NWD2: variants seen among roughly 807,000 people sequenced by gnomAD.
The protein encoded by NWD2 is NACHT and WD repeat domain-containing protein 2.
NWD2 carries 37 observed loss-of-function variants against 132.7 expected under a neutral mutation model. That is an observed-to-expected ratio of 0.28 (90% CI 0.21 to 0.37). The LOEUF (loss-of-function observed/expected upper bound fraction) is 0.37. Among genes scored for constraint, NWD2 ranks in the 10% least tolerant of loss-of-function variants. NWD2 has a pLI of 1.00. For missense variants in NWD2, 1,592 were observed against 2,122.4 expected (o/e 0.75, Z 4.91); for synonymous variants, 705 against 803.0 (o/e 0.88, Z 2.06).
chr4:37,340,182 CATTT>C (rs1192081081), intron 2 of NWD2, among the ~76,000 whole-genome samples: 2 of 152,188 alleles, frequency 1.3e-5, no homozygotes, highest in Non-Finnish European at 2.9e-5. Context: ...TAAGTCTCCA[CATTT>C]ATGATACTGT....
At chr4:37,270,220 T>C (rs1407406398) in intron 1 of NWD2, among the ~76,000 whole-genome samples, 3 of 151,796 alleles carry the variant, frequency 2.0e-5, no homozygotes, top group Non-Finnish European at 4.4e-5. Flanking sequence ...AGGTTAACCA[T>C]GCTCATATCA....
At chr4:37,374,868 A>G (rs1036931063) in intron 3 of NWD2, among the ~76,000 whole-genome samples, 3 of 152,192 alleles carry the variant, frequency 2.0e-5, no homozygotes, top group Non-Finnish European at 4.4e-5. Context: ...ATGAGAAAAT[A>G]CTCTGTAAAA....
intron 3 of NWD2, among the ~76,000 whole-genome samples, chr4:37,373,704 T>TTTGTTC (rs1410123064): frequency 6.6e-6 from 1 of 152,200 alleles, no homozygotes; most frequent in African/African-American, 2.4e-5. Context: ...AGGACATCAA[T>TTTGTTC]TTGTTCTCCA....
intron 1 of NWD2, among the ~76,000 whole-genome samples, chr4:37,313,571 A>G (rs1002795170): frequency 6.0e-5 from 9 of 151,036 alleles, no homozygotes; most frequent in Non-Finnish European, 1.3e-4. Flanking sequence ...GATCCTTTCA[A>G]AAAACCAGCT....
chr4:37,443,309 A>G lies in NWD2; in HGVS notation c.1321A>G (p.Thr441Ala), dbSNP rs1712534236. The G allele has an allele frequency of 6.4e-7, 1 of 1,550,788 alleles. No individual in the cohort carries two copies. The change falls in exon 7 of 7, where the codon ACA (threonine) becomes GCA (alanine). Residue 441 changes from threonine (T) to alanine (A), a missense_variant. Thr to Ala is a moderately conservative substitution (Grantham distance 58). Around this residue, in one of 7 missense-constraint regions of NWD2, gnomAD observed 1,071 missense variants for 1,398.0 expected, o/e 0.77. Transcript: ENST00000309447. This position sits in a 1 kb window ranked among gnomAD's most constrained non-coding sequence, Gnocchi z 4.1. Reference protein sequence around the residue: ...KKAYGWLHEDTGPESDPVVIV... With the variant: ...KKAYGWLHEDAGPESDPVVIV... ...GGCTTATGGCTGGCTACATGAGGAC[A>G]CAGGACCAGAATCTGACCCAGTAGT...
chr4:37,355,687 A>T (rs1227271082), intron 2 of NWD2, among the ~76,000 whole-genome samples: 1 of 152,214 alleles, frequency 6.6e-6, no homozygotes, highest in African/African-American at 2.4e-5. Context: ...GAACTTGTGA[A>T]AGTTTGTTAT....
intron 1 of NWD2, among the ~76,000 whole-genome samples, chr4:37,248,935 C>T (rs1248135666): frequency 6.6e-6 from 1 of 152,112 alleles, no homozygotes; most frequent in Non-Finnish European, 1.5e-5. Context: ...TATGTGGGTT[C>T]TGGGGTAACA....
chr4:37,440,168 C>T (rs2973214), intron 6 of NWD2, among the ~76,000 whole-genome samples: 120,593 of 151,996 alleles, frequency 0.79, 47,936 homozygotes, highest in Middle Eastern at 0.9. Flanking sequence ...GGGAATGCAT[C>T]TTTTTTCTAG....
chr4:37,399,669 G>GT (rs1478080603), intron 3 of NWD2, among the ~76,000 whole-genome samples: 1 of 152,102 alleles, frequency 6.6e-6, no homozygotes, highest in Non-Finnish European at 1.5e-5. Flanking sequence ...TGGTAACATG[G>GT]TTTTCTTTTT....
At chr4:37,290,661 C>T (rs1354622967) in intron 1 of NWD2, among the ~76,000 whole-genome samples, 1 of 152,040 alleles carries the variant, frequency 6.6e-6, no homozygotes, top group African/African-American at 2.4e-5. Flanking sequence ...AGAAAGATGG[C>T]ATGTTGGAAA....
chr4:37,252,880 G>A (rs1717407267), intron 1 of NWD2, among the ~76,000 whole-genome samples: 1 of 152,176 alleles, frequency 6.6e-6, no homozygotes, highest in South Asian at 2.1e-4. Context: ...ATCAGTGCAA[G>A]TTATCAGTCT....
At chr4:37,363,782 C>A (rs1212253231) in intron 3 of NWD2, among the ~76,000 whole-genome samples, 1 of 152,050 alleles carries the variant, frequency 6.6e-6, no homozygotes, top group Non-Finnish European at 1.5e-5. Flanking sequence ...AGGTAACAAA[C>A]CTGCGTATGT....
At chr4:37,290,821 C>A (rs1718345359) in intron 1 of NWD2, among the ~76,000 whole-genome samples, 2 of 152,218 alleles carry the variant, frequency 1.3e-5, no homozygotes, top group South Asian at 4.1e-4. Context: ...TTTTGCTCTT[C>A]ACTCCGCAGA....
At chr4:37,424,215 C>G (rs183446959) in intron 3 of NWD2, among the ~76,000 whole-genome samples, 3 of 152,330 alleles carry the variant, frequency 2.0e-5, no homozygotes, top group Non-Finnish European at 2.9e-5. Flanking sequence ...CACATTCATA[C>G]ATGGTAGCCC....
chr4:37,417,311 G>T (rs1183757916), intron 3 of NWD2, among the ~76,000 whole-genome samples: 1 of 151,598 alleles, frequency 6.6e-6, no homozygotes, highest in Non-Finnish European at 1.5e-5. Context: ...TTATACAAAA[G>T]AATAGATTGG....
Position 37,439,425 on chromosome 4 carries a change from A to C in NWD2, c.1296+35A>C. 1 of 1,325,192 alleles carries C rather than the reference A, an allele frequency of 7.5e-7. No homozygotes were observed. Among genetic ancestry groups the C allele is most frequent in the Non-Finnish European group, 1.0e-6 (1 of 999,588 alleles). 82.1% of individuals were successfully genotyped at this position (1,325,192 alleles called of 1,614,324 possible). On this transcript the variant is annotated intron_variant, in intron 6 of 6. Coordinates refer to ENST00000309447, the MANE Select transcript of NWD2 (RefSeq NM_001144990.2). This position sits in a 1 kb window ranked among gnomAD's most constrained non-coding sequence, Gnocchi z 4.5. ...TATTCTTTCCCGTGTATATTTGTAA[A>C]AACTTGTACTTTTGGAAAATGGTAA...
intron 1 of NWD2, among the ~76,000 whole-genome samples, chr4:37,282,096 T>A (rs1718140905): frequency 6.6e-6 from 1 of 152,196 alleles, no homozygotes; most frequent in Non-Finnish European, 1.5e-5. Context: ...AGACCTTTAG[T>A]GTTCAGTAAT....
intron 1 of NWD2, among the ~76,000 whole-genome samples, chr4:37,274,075 AAGATC>A (rs1411765781): frequency 6.6e-6 from 1 of 152,206 alleles, no homozygotes; most frequent in African/African-American, 2.4e-5. Flanking sequence ...AGAAATAACT[AAGATC>A]AGAGCAGAAC....
At chr4:37,407,845 T>A (rs573069676) in intron 3 of NWD2, among the ~76,000 whole-genome samples, 1 of 152,266 alleles carries the variant, frequency 6.6e-6, no homozygotes, top group South Asian at 2.1e-4. Flanking sequence ...GTTGATCTCA[T>A]TGGGACTGGT....
Sources: allele counts gnomAD v4.1 joint callset (sites outside exome capture counted in the v4.1 genomes callset), GRCh38; gene constraint gnomAD v4.1.1; regional missense constraint gnomAD v4.1.1; non-coding constraint Gnocchi (gnomAD v3.1); transcripts MANE v1.5; gene names NCBI Gene and HGNC (gene_info 2026-07-23, HGNC 2026-07-21).